The following NAV3 variants were observed in gnomAD, a reference collection of about 807,000 sequenced individuals.
The protein encoded by NAV3 is neuron navigator 3, also known as pore membrane and/or filament interacting like protein 1.
A neutral mutation model predicts 244.7 loss-of-function variants in NAV3; 87 were observed. That is an observed-to-expected ratio of 0.36 (90% CI 0.30 to 0.42). NAV3 has a LOEUF of 0.42. NAV3 is among the 20% of genes least tolerant of loss of function. The pLI, the probability that NAV3 is intolerant of heterozygous loss-of-function variation, is 1.00. For missense variants in NAV3, 2,663 were observed against 2,893.3 expected (o/e 0.92, Z 1.83); for synonymous variants, 1,126 against 1,042.2 (o/e 1.08, Z -1.55).
chr12:77,638,831 T>A (rs1565747944), intron 2 of NAV3, among the ~76,000 whole-genome samples: 1 of 152,202 alleles, frequency 6.6e-6, no homozygotes, highest in South Asian at 2.1e-4. Flanking sequence ...TTACATGAAG[T>A]CACTATTAGA....
chr12:77,865,819 G>A (rs967943306), intron 1 of NAV3, among the ~76,000 whole-genome samples: 6 of 141,264 alleles, frequency 4.2e-5, no homozygotes, highest in African/African-American at 1.0e-4. Flanking sequence ...GTGTGTGGTC[G>A]TTCTAATTTT....
intron 2 of NAV3, among the ~76,000 whole-genome samples, chr12:77,647,132 C>T (rs979291549): frequency 1.3e-5 from 2 of 151,436 alleles, no homozygotes; most frequent in South Asian, 2.1e-4. Context: ...CAAAAGGTAA[C>T]GACGGTAGCA....
intron 2 of NAV3, among the ~76,000 whole-genome samples, chr12:77,600,731 G>T (rs1271416329): frequency 6.6e-6 from 1 of 151,958 alleles, no homozygotes; most frequent in Admixed American, 6.6e-5. Context: ...AGAGGGTACA[G>T]CAGATTCATC....
intron 2 of NAV3, among the ~76,000 whole-genome samples, chr12:77,623,033 T>C (rs1439483967): frequency 6.6e-6 from 1 of 152,188 alleles, no homozygotes; most frequent in African/African-American, 2.4e-5. Flanking sequence ...AAGTGATGGA[T>C]ACCAAACCAT....
At chr12:77,891,227 A>G (rs993687906) in intron 1 of NAV3, among the ~76,000 whole-genome samples, 2 of 150,414 alleles carry the variant, frequency 1.3e-5, no homozygotes, top group African/African-American at 2.4e-5. Flanking sequence ...ATATCAATTT[A>G]TAAAGATAAA....
At chr12:77,746,311 GA>G (rs1868539942) in intron 2 of NAV3, among the ~76,000 whole-genome samples, 1 of 152,050 alleles carries the variant, frequency 6.6e-6, no homozygotes, top group Non-Finnish European at 1.5e-5. Context: ...GTATTAACAT[GA>G]AAACCACAAG....
At chr12:77,811,189 C>T (rs1217475157) in intron 2 of NAV3, among the ~76,000 whole-genome samples, 1 of 152,174 alleles carries the variant, frequency 6.6e-6, no homozygotes, top group Non-Finnish European at 1.5e-5. Context: ...AATTCTTCAT[C>T]ATCTACTCCT....
At chr12:78,076,233 G>A (rs949091964) in intron 12 of NAV3, among the ~76,000 whole-genome samples, 1 of 152,146 alleles carries the variant, frequency 6.6e-6, no homozygotes, top group Non-Finnish European at 1.5e-5. Context: ...GCTTATGCCT[G>A]AAATCCCATA....
At chr12:78,100,813 G>GT (rs1299475871) in intron 12 of NAV3, among the ~76,000 whole-genome samples, 1 of 151,922 alleles carries the variant, frequency 6.6e-6, no homozygotes, top group Non-Finnish European at 1.5e-5. Context: ...TTACTTCCAG[G>GT]TTTTTACACT....
intron 7 of NAV3, among the ~76,000 whole-genome samples, chr12:78,002,165 T>C (rs12368983): frequency 0.018 from 2,780 of 152,342 alleles, 47 homozygotes; most frequent in Non-Finnish European, 0.03. Flanking sequence ...AGCTTAATAT[T>C]ATTAGGAATT....
At chr12:77,932,026 T>A (rs1888858747) in intron 1 of NAV3, among the ~76,000 whole-genome samples, 1 of 152,080 alleles carries the variant, frequency 6.6e-6, no homozygotes, top group South Asian at 2.1e-4. Context: ...TGAGTGTCAG[T>A]ATCTGTTGAT....
intron 3 of NAV3, among the ~76,000 whole-genome samples, chr12:77,943,296 T>G (rs560916887): frequency 3.3e-5 from 5 of 152,208 alleles, no homozygotes; most frequent in African/African-American, 1.2e-4. Flanking sequence ...TAAAACAAAA[T>G]AGAAAGACCA....
chr12:78,080,277 C>T (rs1277778559), intron 12 of NAV3, among the ~76,000 whole-genome samples: 1 of 152,118 alleles, frequency 6.6e-6, no homozygotes, highest in Admixed American at 6.5e-5. Context: ...ATCATGTCCC[C>T]TTAGCAAGAG....
At chr12:78,138,591 G>A (rs1256664330) in intron 19 of NAV3, among the ~76,000 whole-genome samples, 3 of 152,088 alleles carry the variant, frequency 2.0e-5, no homozygotes, top group Admixed American at 2.0e-4. Flanking sequence ...TTTCCATGTA[G>A]ATAGACAAAA....
At chr12:77,911,056 G>T (rs1367520178) in intron 1 of NAV3, among the ~76,000 whole-genome samples, 2 of 152,018 alleles carry the variant, frequency 1.3e-5, no homozygotes, top group African/African-American at 4.8e-5. Context: ...ACTCTACCTG[G>T]GAAGTACTGT....
At chr12:78,051,840 T>C (rs1882806670) in intron 11 of NAV3, among the ~76,000 whole-genome samples, 1 of 152,252 alleles carries the variant, frequency 6.6e-6, no homozygotes, top group African/African-American at 2.4e-5. Flanking sequence ...TTTCCTGTTA[T>C]GTACTATGCT....
intron 1 of NAV3, among the ~76,000 whole-genome samples, chr12:77,888,154 A>C (rs1339349873): frequency 6.6e-6 from 1 of 151,956 alleles, no homozygotes; most frequent in Non-Finnish European, 1.5e-5. Flanking sequence ...TTAAATGTAC[A>C]TTTTAAACCC....
chr12:77,896,104 T>G (rs142152023), intron 1 of NAV3, among the ~76,000 whole-genome samples: 353 of 152,258 alleles, frequency 2.3e-3, no homozygotes, highest in African/African-American at 7.7e-3. Flanking sequence ...TAATCACATC[T>G]AATACCACTA....
chr12:78,031,707 G>A (rs1402488406), intron 9 of NAV3, among the ~76,000 whole-genome samples: 3 of 139,222 alleles, frequency 2.2e-5, no homozygotes. Context: ...GACACAGGAA[G>A]GGGAATATCA....
Sources: allele counts gnomAD v4.1 joint callset (sites outside exome capture counted in the v4.1 genomes callset), GRCh38; gene constraint gnomAD v4.1.1; transcripts MANE v1.5; gene names NCBI Gene and HGNC (gene_info 2026-07-23, HGNC 2026-07-21).